Variants in COA1 observed in about 807,000 individuals in gnomAD.
COA1 encodes cytochrome c oxidase assembly factor 1, also known as cytochrome c oxidase assembly factor 1 homolog.
A neutral mutation model predicts 16.0 loss-of-function variants in COA1; 13 were observed. The ratio of observed to expected loss-of-function variants is 0.81; its 90% CI spans 0.53 to 1.29. The LOEUF (loss-of-function observed/expected upper bound fraction) is 1.29, where lower values mean the gene tolerates loss of function less well. Ranked by LOEUF, COA1 falls within the 50% of genes most tolerant of loss-of-function variation. COA1 has a pLI of 0.00. For synonymous variants in COA1, 65 were observed against 65.7 expected (o/e 0.99, Z 0.05); for missense variants, 179 against 177.0 (o/e 1.01, Z -0.06).
chr7:43,700,632 C>T (rs1036181980), intron 1 of COA1, among the ~76,000 whole-genome samples: 24 of 123,770 alleles, frequency 1.9e-4, no homozygotes, highest in African/African-American at 7.1e-4. Context: ...GAGTAAGGTA[C>T]CTAAATAGCT....
At chr7:43,717,411 G>A (rs915607456) in intron 1 of COA1, among the ~76,000 whole-genome samples, 20 of 152,170 alleles carry the variant, frequency 1.3e-4, no homozygotes, top group African/African-American at 4.8e-4. Context: ...CTGCCCCGCT[G>A]GATTTCAGAC....
At chr7:43,622,867 G>C (rs1460888054) in intron 6 of COA1, 1 of 151,892 alleles carries the variant, frequency 6.6e-6, no homozygotes, top group East Asian at 1.9e-4. Flanking sequence ...CACTCGGCTA[G>C]CTTTTGTTTA....
intron 1 of COA1, among the ~76,000 whole-genome samples, chr7:43,720,474 T>C (rs192518058): frequency 3.0e-4 from 45 of 152,230 alleles, no homozygotes; most frequent in African/African-American, 9.1e-4. Context: ...TCTCACAAAC[T>C]TGTTTAAGAA....
chr7:43,715,477 CAAAA>C (rs111522661), intron 1 of COA1, among the ~76,000 whole-genome samples: 2 of 128,754 alleles, frequency 1.6e-5, no homozygotes, highest in Admixed American at 7.9e-5. Context: ...GACTCTATCT[CAAAA>C]AAAAAAAAAA....
intron 1 of COA1, among the ~76,000 whole-genome samples, chr7:43,682,476 C>T (rs12671575): frequency 0.83 from 125,853 of 152,224 alleles, 52,459 homozygotes; most frequent in African/African-American, 0.94. Flanking sequence ...TAAAATGTCA[C>T]GGTGACAGGT....
At chr7:43,612,044 T>A (rs889845334) in intron 6 of COA1, among the ~76,000 whole-genome samples, 2 of 152,208 alleles carry the variant, frequency 1.3e-5, no homozygotes, top group Non-Finnish European at 2.9e-5. Flanking sequence ...GGAAATTATA[T>A]CCCTTTCTCC....
intron 1 of COA1, among the ~76,000 whole-genome samples, chr7:43,707,476 A>C (rs2095036834): frequency 6.6e-6 from 1 of 152,194 alleles, no homozygotes; most frequent in African/African-American, 2.4e-5. Flanking sequence ...CTAGAAATTG[A>C]GGACTGCCAG....
At chr7:43,724,307 C>T (rs1228408335) in intron 1 of COA1, among the ~76,000 whole-genome samples, 2 of 152,154 alleles carry the variant, frequency 1.3e-5, no homozygotes, top group Admixed American at 1.3e-4. Context: ...TATCCCAGCA[C>T]TTTGGGACAC....
chr7:43,646,735 C>CT, intron 3 of COA1: 1 of 401,990 alleles, frequency 2.5e-6, no homozygotes, highest in Non-Finnish European at 5.1e-6. Flanking sequence ...CTCAGGCCCC[C>CT]TCCAGACTCT....
intron 1 of COA1, among the ~76,000 whole-genome samples, chr7:43,661,559 C>T (rs1036356953): frequency 2.0e-5 from 3 of 150,968 alleles, no homozygotes; most frequent in South Asian, 4.2e-4. Context: ...GGCGTGAACC[C>T]GGGAGGCGGA....
At chr7:43,624,904 C>A in intron 6 of COA1, 2 of 1,391,266 alleles carry the variant, frequency 1.4e-6, no homozygotes, top group Non-Finnish European at 9.8e-7. Flanking sequence ...TATTTATGGA[C>A]CTCTGGCCAA....
intron 6 of COA1, among the ~76,000 whole-genome samples, chr7:43,630,795 TGA>T (rs2085101380): frequency 6.6e-6 from 1 of 152,180 alleles, no homozygotes; most frequent in South Asian, 2.1e-4. Flanking sequence ...CCAACACATT[TGA>T]GATATGGAAC....
intron 6 of COA1, among the ~76,000 whole-genome samples, chr7:43,618,156 C>G (rs1471265407): frequency 6.6e-6 from 1 of 152,152 alleles, no homozygotes; most frequent in African/African-American, 2.4e-5. Context: ...AAACAGCTAA[C>G]AGAACAATAG....
chr7:43,630,692 G>A (rs1044407185), intron 6 of COA1, among the ~76,000 whole-genome samples: 4 of 152,106 alleles, frequency 2.6e-5, no homozygotes, highest in African/African-American at 9.7e-5. Context: ...GACTTACAGG[G>A]AGTTGAAAAG....
intron 1 of COA1, among the ~76,000 whole-genome samples, chr7:43,677,482 C>G (rs1482510375): frequency 1.3e-5 from 2 of 152,124 alleles, no homozygotes; most frequent in Non-Finnish European, 2.9e-5. Flanking sequence ...TAATGATTCC[C>G]ATATCCTTGA....
chr7:43,610,406 C>T (rs1213193553), intron 6 of COA1, among the ~76,000 whole-genome samples: 1 of 148,676 alleles, frequency 6.7e-6, no homozygotes, highest in Admixed American at 6.8e-5. Flanking sequence ...TGGCTCATGC[C>T]TGTAATCCCA....
At chr7:43,686,433 A>C (rs924985842) in intron 1 of COA1, among the ~76,000 whole-genome samples, 1 of 150,616 alleles carries the variant, frequency 6.6e-6, no homozygotes, top group Non-Finnish European at 1.5e-5. Context: ...CAGCCTCCCG[A>C]GTAGCTGGGA....
rs1247978004 is a variant in COA1, at chr7:43,645,303, T to G, written c.212A>C (p.His71Pro). The change falls in exon 4 of 6, where the codon CAT becomes CCT. Residue 71 changes from histidine to proline, a missense_variant. By Grantham distance (77) the His-to-Pro change is moderately conservative. Coordinates refer to ENST00000223336, the MANE Select transcript of COA1 (RefSeq NM_018224.4). Reference protein sequence around the residue: ...QEALGPPLNIHYLKLIDRENF... With the variant: ...QEALGPPLNIPYLKLIDRENF... ...TTCCCTGTCGATGAGCTTGAGATAA[T>G]GGATGTTGAGAGGAGGGCCCAGAGC... 4 of 1,613,944 alleles carry G rather than the reference T, an allele frequency of 2.5e-6. No individual in the cohort carries two copies. The Admixed American group carries it at 6.7e-5, about 27-fold the overall frequency.
intron 6 of COA1, among the ~76,000 whole-genome samples, chr7:43,616,057 G>A (rs2083312026): frequency 6.6e-6 from 1 of 152,180 alleles, no homozygotes; most frequent in South Asian, 2.1e-4. Flanking sequence ...GAGGACTGGT[G>A]TCTTGTTTTC....
Sources: gnomAD v4.1 joint callset for allele counts (sites outside exome capture counted in the v4.1 genomes callset) on GRCh38, gnomAD v4.1.1 for gene constraint, MANE v1.5 for transcripts, NCBI Gene and HGNC (gene_info 2026-07-23, HGNC 2026-07-21) for gene names.